CADM2: variants seen among roughly 807,000 people sequenced by gnomAD.
CADM2 encodes the protein immunoglobulin superfamily member 4D.
A neutral mutation model predicts 49.8 loss-of-function variants in CADM2; 12 were observed. That is an observed-to-expected ratio of 0.24 (90% CI 0.15 to 0.39). The LOEUF (loss-of-function observed/expected upper bound fraction) is 0.39, where lower values mean the gene tolerates loss of function less well. Among genes scored for constraint, CADM2 ranks in the 10% least tolerant of loss-of-function variants. CADM2 has a pLI of 1.00. For missense variants in CADM2, 378 were observed against 492.3 expected (o/e 0.77, Z 2.20); for synonymous variants, 214 against 175.4 (o/e 1.22, Z -1.74).
chr3:85,244,674 T>C (rs1345558017), intron 1 of CADM2, among the ~76,000 whole-genome samples: 1 of 152,194 alleles, frequency 6.6e-6, no homozygotes, highest in African/African-American at 2.4e-5. Flanking sequence ...TGAAGGCTGC[T>C]ATCCGAAAGT....
At chr3:85,157,683 ATCAAT>A (rs1345696977) in intron 1 of CADM2, among the ~76,000 whole-genome samples, 2 of 151,902 alleles carry the variant, frequency 1.3e-5, no homozygotes, top group African/African-American at 4.8e-5. Context: ...TTATACAAAA[ATCAAT>A]TCAAGATGGA....
At chr3:85,760,006 C>T (rs1265110967) in intron 2 of CADM2, among the ~76,000 whole-genome samples, 1 of 152,046 alleles carries the variant, frequency 6.6e-6, no homozygotes, top group Non-Finnish European at 1.5e-5. Context: ...GAGACCCCTC[C>T]AGTACTTCTT....
intron 1 of CADM2, among the ~76,000 whole-genome samples, chr3:85,083,717 C>A (rs1052839036): frequency 1.3e-5 from 2 of 152,000 alleles, no homozygotes; most frequent in Non-Finnish European, 2.9e-5. Flanking sequence ...TTTTTAAAAT[C>A]TCCTTGATCA....
chr3:85,442,403 A>G (rs888804985), intron 1 of CADM2, among the ~76,000 whole-genome samples: 25 of 151,806 alleles, frequency 1.6e-4, no homozygotes, highest in Non-Finnish European at 2.9e-4. Context: ...ACTATCAAAA[A>G]TCCTGCAAAG....
At chr3:85,515,631 A>ATATATTTTTT (rs1159969286) in intron 1 of CADM2, among the ~76,000 whole-genome samples, 29 of 118,396 alleles carry the variant, frequency 2.4e-4, no homozygotes, top group Admixed American at 1.6e-3. Context: ...ATATATATAT[A>ATATATTTTTT]TTTTTTTTTT....
intron 1 of CADM2, among the ~76,000 whole-genome samples, chr3:85,158,599 A>C (rs7614097): frequency 0.071 from 10,779 of 152,110 alleles, 1,277 homozygotes; most frequent in African/African-American, 0.24. Context: ...GAACGAAAAA[A>C]CAAACACTGC....
In CADM2 at chr3:85,182,702, T is replaced by C. The variant is rs529220309; in HGVS notation, c.61+223034T>C. Among the ~76,000 whole-genome samples the C allele has an allele frequency of 2.2e-4, 34 of 152,198 alleles. No individual in the cohort carries two copies. In the South Asian group the frequency reaches 6.6e-3, roughly 30 times the overall value. On this transcript the variant is annotated intron_variant, in intron 1 of 9. Transcript: ENST00000383699. ...ATAGTTTATAGAACCCTATATACGGTTGCATGTCTCTTGTAAATCCAAAAT... is the reference window on the plus strand; with the variant it reads ...ATAGTTTATAGAACCCTATATACGGCTGCATGTCTCTTGTAAATCCAAAAT...
intron 3 of CADM2, among the ~76,000 whole-genome samples, chr3:85,832,978 C>G (rs2074248170): frequency 6.6e-6 from 1 of 151,832 alleles, no homozygotes; most frequent in African/African-American, 2.4e-5. Flanking sequence ...AGGTATTTTT[C>G]TTCAGTGTCT....
chr3:85,908,532 G>T (rs1010388381), intron 5 of CADM2, among the ~76,000 whole-genome samples: 6 of 151,686 alleles, frequency 4.0e-5, no homozygotes, highest in Non-Finnish European at 7.4e-5. Context: ...TATACTTGAG[G>T]AATTTTTCTT....
chr3:85,339,731 G>A (rs2045190482), intron 1 of CADM2, among the ~76,000 whole-genome samples: 1 of 151,258 alleles, frequency 6.6e-6, no homozygotes, highest in Non-Finnish European at 1.5e-5. Flanking sequence ...ATTACCAAAT[G>A]TTTAGGATAA....
intron 1 of CADM2, among the ~76,000 whole-genome samples, chr3:85,557,054 G>T (rs2061976993): frequency 6.6e-6 from 1 of 152,010 alleles, no homozygotes; most frequent in Non-Finnish European, 1.5e-5. Flanking sequence ...ACAAGAAAAG[G>T]AGATCAGTTA....
chr3:85,459,515 T>C (rs571377464), intron 1 of CADM2, among the ~76,000 whole-genome samples: 2 of 152,290 alleles, frequency 1.3e-5, no homozygotes, highest in East Asian at 3.9e-4. Flanking sequence ...AAATGGTGTG[T>C]AGCAGAGATG....
At chr3:85,106,276 CAGATGAAAGTAAGGA>C (rs1707272702) in intron 1 of CADM2, among the ~76,000 whole-genome samples, 1 of 151,944 alleles carries the variant, frequency 6.6e-6, no homozygotes, top group Non-Finnish European at 1.5e-5. Flanking sequence ...GTGAATGGGG[CAGATGAAAGTAAGGA>C]AGATGGAGAT....
intron 1 of CADM2, among the ~76,000 whole-genome samples, chr3:85,476,756 T>A: frequency 6.6e-6 from 1 of 151,904 alleles, no homozygotes; most frequent in East Asian, 1.9e-4. Flanking sequence ...AGGAGCAGAA[T>A]CTATTTTTAA....
At chr3:85,246,334 A>T (rs2042645100) in intron 1 of CADM2, among the ~76,000 whole-genome samples, 1 of 152,044 alleles carries the variant, frequency 6.6e-6, no homozygotes, top group African/African-American at 2.4e-5. Flanking sequence ...ATTAGGAGAT[A>T]TACCTAATGT....
At chr3:85,932,646 T>C (rs554989014) in intron 6 of CADM2, among the ~76,000 whole-genome samples, 1 of 152,124 alleles carries the variant, frequency 6.6e-6, no homozygotes, top group African/African-American at 2.4e-5. Flanking sequence ...GAGGAACAGA[T>C]GAAACATAGG....
At chr3:85,950,837 T>C (rs992763031) in intron 7 of CADM2, among the ~76,000 whole-genome samples, 2 of 151,192 alleles carry the variant, frequency 1.3e-5, no homozygotes, top group Non-Finnish European at 3.0e-5. Context: ...TACTTGACAC[T>C]ATACTAATGT....
At chr3:86,044,700 C>T (rs1736419609) in intron 8 of CADM2, among the ~76,000 whole-genome samples, 1 of 152,148 alleles carries the variant, frequency 6.6e-6, no homozygotes, top group South Asian at 2.1e-4. Flanking sequence ...ACCCAGCCAT[C>T]CCATTACCAG....
intron 1 of CADM2, among the ~76,000 whole-genome samples, chr3:85,638,688 C>T (rs890686074): frequency 1.3e-5 from 2 of 152,104 alleles, no homozygotes; most frequent in Non-Finnish European, 2.9e-5. Context: ...TTAAAATTTG[C>T]TTTAAATGCC....
Sources: allele counts gnomAD v4.1 joint callset (sites outside exome capture counted in the v4.1 genomes callset), GRCh38; gene constraint gnomAD v4.1.1; transcripts MANE v1.5; gene names NCBI Gene and HGNC (gene_info 2026-07-23, HGNC 2026-07-21).